Variants in SNX29 observed in about 807,000 individuals in gnomAD.
SNX29 encodes the protein sorting nexin 29, also known as sorting nexin-29.
In SNX29, 78 loss-of-function variants were observed where a neutral mutation model predicts 102.1. That is an observed-to-expected ratio of 0.76 (90% CI 0.64 to 0.92). The LOEUF (loss-of-function observed/expected upper bound fraction) is 0.92, where lower values mean the gene tolerates loss of function less well. SNX29 is among the 40% of genes least tolerant of loss of function. The pLI is 0.00. For missense variants in SNX29, 1,280 were observed against 1,061.7 expected (o/e 1.21, Z -2.86); for synonymous variants, 580 against 414.5 (o/e 1.40, Z -4.85).
At chr16:12,219,221 T>A (rs1049464874) in intron 14 of SNX29, among the ~76,000 whole-genome samples, 6 of 152,170 alleles carry the variant, frequency 3.9e-5, no homozygotes, top group Non-Finnish European at 7.4e-5. Flanking sequence ...GCAAACCACA[T>A]GTTATATCGT....
At chr16:11,980,233 T>C (rs2055384832) in intron 1 of SNX29, among the ~76,000 whole-genome samples, 1 of 152,194 alleles carries the variant, frequency 6.6e-6, no homozygotes, top group Admixed American at 6.6e-5. Context: ...GTGCCTGTTG[T>C]GGGTATTTCA....
In SNX29 at chr16:11,996,054, C is replaced by T. The variant is rs530350156; in HGVS notation, c.8-3243C>T. Reference sequence around the variant, plus strand: ...CAGCCTGGGTGACACAGCAACACTCCGTCTCAGAAAAAAAAAAAAAAGAGT... The same window carrying T: ...CAGCCTGGGTGACACAGCAACACTCTGTCTCAGAAAAAAAAAAAAAAGAGT... On this transcript the variant is annotated intron_variant, in intron 1 of 20. Transcript: ENST00000566228. Among the ~76,000 whole-genome samples, 7 of 148,908 alleles carry T rather than the reference C, an allele frequency of 4.7e-5. No individual in the cohort carries two copies. In the East Asian group the frequency reaches 5.9e-4, roughly 13 times the overall value.
chr16:12,238,509 A>G (rs1003994540), intron 14 of SNX29, among the ~76,000 whole-genome samples: 14 of 152,170 alleles, frequency 9.2e-5, no homozygotes, highest in African/African-American at 3.1e-4. Flanking sequence ...ATTTTTGTAG[A>G]GATGGGGTTT....
intron 1 of SNX29, among the ~76,000 whole-genome samples, chr16:11,989,429 C>T (rs1336329141): frequency 1.3e-5 from 2 of 152,184 alleles, no homozygotes; most frequent in East Asian, 1.9e-4. Flanking sequence ...TCCTTTTGTC[C>T]TGGGCCAGCT....
At position 12,573,016 on chromosome 16, in the gene SNX29, G is replaced by C. The variant is rs902978701; in HGVS notation, c.*4387G>C. 3 of 295,742 alleles carry C rather than the reference G, an allele frequency of 1.0e-5. No individual in the cohort carries two copies. Among genetic ancestry groups the C allele is most frequent in the African/African-American group, 4.3e-5 (2 of 46,250 alleles). 18.3% of individuals were successfully genotyped at this position (295,742 alleles called of 1,614,324 possible). A position where few individuals can be genotyped will look rare whatever the true frequency, so the allele number is the denominator to read the frequency against. The stretch of plus-strand genomic sequence containing the variant: ...TTAAAGCTACTGTTAAATATTTGCT[G>C]TTTTTAGATTGGCGTCCGTGCTAAT... On this transcript the variant is annotated 3_prime_UTR_variant, in exon 21 of 21. Coordinates refer to ENST00000566228, the MANE Select transcript of SNX29 (RefSeq NM_032167.5).
At chr16:12,162,640 T>C (rs1326627884) in intron 13 of SNX29, among the ~76,000 whole-genome samples, 1 of 152,212 alleles carries the variant, frequency 6.6e-6, no homozygotes, top group Non-Finnish European at 1.5e-5. Flanking sequence ...CACAACAGGC[T>C]GGATTTGTCC....
chr16:12,561,123 G>A lies in SNX29; in HGVS notation c.2319-7383G>A, dbSNP rs141249490. 14 of 227,434 alleles carry A rather than the reference G, an allele frequency of 6.2e-5. No homozygotes were observed. In the Middle Eastern group the frequency reaches 3.9e-3, roughly 63 times the overall value. 14.1% of individuals were successfully genotyped at this position (227,434 alleles called of 1,614,324 possible). A position where few individuals can be genotyped will look rare whatever the true frequency, so the allele number is the denominator to read the frequency against. ...TTAGATTTCACGGGGCACCCATCAC[G>A]CAGTCCTGAGGCCCAGGTGTTGCCT... On this transcript the variant is annotated intron_variant, in intron 20 of 20. Transcript: ENST00000566228.
intron 20 of SNX29, among the ~76,000 whole-genome samples, chr16:12,555,193 G>A (rs771891631): frequency 2.6e-5 from 4 of 151,942 alleles, no homozygotes; most frequent in South Asian, 2.1e-4. Context: ...GGTGTGGCAT[G>A]CAGACTGGAC....
At chr16:12,017,185 C>A (rs1295633126) in intron 3 of SNX29, among the ~76,000 whole-genome samples, 1 of 152,158 alleles carries the variant, frequency 6.6e-6, no homozygotes, top group African/African-American at 2.4e-5. Context: ...TATAGCAATT[C>A]ATATTTCTAT....
chr16:12,540,074 A>T (rs533236041), intron 20 of SNX29, among the ~76,000 whole-genome samples: 62 of 152,300 alleles, frequency 4.1e-4, no homozygotes, highest in African/African-American at 1.5e-3. Context: ...TTTTGGTGTC[A>T]TGTCTACCAA....
intron 13 of SNX29, among the ~76,000 whole-genome samples, chr16:12,149,812 T>C (rs2055222342): frequency 6.6e-6 from 1 of 152,204 alleles, no homozygotes; most frequent in Non-Finnish European, 1.5e-5. Flanking sequence ...CTATGATCTT[T>C]ACCAGCCTCA....
At position 12,542,520 on chromosome 16, in the gene SNX29, C is replaced by T. The variant is rs575822511; in HGVS notation, c.2318+17679C>T. Among the ~76,000 whole-genome samples the T allele has an allele frequency of 2.0e-5, 3 of 152,306 alleles. No individual in the cohort carries two copies. The East Asian group carries it at 5.8e-4, about 29-fold the overall frequency. On this transcript the variant is annotated intron_variant, in intron 20 of 20. Transcript: ENST00000566228. ...CTCATTTTTGTATTTTTAGGAGAGGCAGGGTTTCACCACGTTGGCCAGGCT... is the reference window on the plus strand; with the variant it reads ...CTCATTTTTGTATTTTTAGGAGAGGTAGGGTTTCACCACGTTGGCCAGGCT...
chr16:12,038,258 C>T (rs1439696039), intron 4 of SNX29, among the ~76,000 whole-genome samples: 5 of 152,220 alleles, frequency 3.3e-5, no homozygotes, highest in Non-Finnish European at 5.9e-5. Context: ...CAAGGTCACA[C>T]AGTGCCTGAA....
chr16:12,121,448 G>T (rs1004770827), intron 11 of SNX29, among the ~76,000 whole-genome samples: 1 of 152,258 alleles, frequency 6.6e-6, no homozygotes, highest in East Asian at 1.9e-4. Context: ...ACTGCAGGTC[G>T]GCCCGCACTT....
At chr16:12,235,341 G>C (rs1343211116) in intron 14 of SNX29, among the ~76,000 whole-genome samples, 1 of 152,150 alleles carries the variant, frequency 6.6e-6, no homozygotes, top group Non-Finnish European at 1.5e-5. Flanking sequence ...CGTGTTTTCA[G>C]CTTGCTGTGT....
At chr16:12,188,536 A>G (rs2076568337) in intron 13 of SNX29, among the ~76,000 whole-genome samples, 1 of 152,078 alleles carries the variant, frequency 6.6e-6, no homozygotes, top group African/African-American at 2.4e-5. Context: ...CACCCAGGAT[A>G]TTTTGGGTGT....
In SNX29 at chr16:12,573,758, C is replaced by T. The variant is rs141875642; in HGVS notation, c.*5129C>T. 1.1e-3 allele frequency: 255 copies of T among 222,604 alleles called. 2 individuals are homozygous for T. Among genetic ancestry groups the T allele is most frequent in the African/African-American group, 5.4e-3 (240 of 44,832 alleles). 13.8% of individuals were successfully genotyped at this position (222,604 alleles called of 1,614,324 possible). A position where few individuals can be genotyped will look rare whatever the true frequency, so the allele number is the denominator to read the frequency against. On this transcript the variant is annotated 3_prime_UTR_variant, in exon 21 of 21. Coordinates refer to ENST00000566228, the MANE Select transcript of SNX29 (RefSeq NM_032167.5). ...TACATTTGCACCCAGAGCTACTAAA[C>T]GCTCAGTGACCCCAGAGACCATTAA...
At chr16:12,192,795 C>A (rs1269123609) in intron 13 of SNX29, among the ~76,000 whole-genome samples, 1 of 152,178 alleles carries the variant, frequency 6.6e-6, no homozygotes, top group Non-Finnish European at 1.5e-5. Context: ...CTCTGCCTCC[C>A]GGGTTCAAGC....
At position 12,573,923 on chromosome 16, in the gene SNX29, T is replaced by C. The variant is rs969466058; in HGVS notation, c.*5294T>C. ...GCTTACTCACCTGACACCGACTTCTTAGAGAAGCGAGTCTTTTTTGAATGG... is the reference window on the plus strand; with the variant it reads ...GCTTACTCACCTGACACCGACTTCTCAGAGAAGCGAGTCTTTTTTGAATGG... On this transcript the variant is annotated 3_prime_UTR_variant, in exon 21 of 21. Transcript: ENST00000566228. 4.9e-5 allele frequency: 10 copies of C among 202,200 alleles called. No homozygotes were observed. The highest frequency in any genetic ancestry group is 3.6e-4 in the Admixed American group (6 of 16,652). 12.5% of individuals were successfully genotyped at this position (202,200 alleles called of 1,614,324 possible). A position where few individuals can be genotyped will look rare whatever the true frequency, so the allele number is the denominator to read the frequency against.
Sources: gnomAD v4.1 joint callset for allele counts (sites outside exome capture counted in the v4.1 genomes callset) on GRCh38, gnomAD v4.1.1 for gene constraint, MANE v1.5 for transcripts, NCBI Gene and HGNC (gene_info 2026-07-23, HGNC 2026-07-21) for gene names.